Variants in PITPNB observed in about 807,000 individuals in gnomAD.
The protein encoded by PITPNB is phosphatidylinositol transfer protein beta, also known as phosphatidylinositol transfer protein beta isoform.
PITPNB carries 16 observed loss-of-function variants against 45.9 expected under a neutral mutation model. That is an observed-to-expected ratio of 0.35 (90% confidence interval 0.24 to 0.53). The LOEUF is 0.53. PITPNB is among the 20% of genes least tolerant of loss of function. The pLI is 0.93. For missense variants in PITPNB, 188 were observed against 330.5 expected, an observed-to-expected ratio of 0.57 and a Z score of 3.34; for synonymous variants, 112 against 108.9, an observed-to-expected ratio of 1.03 and a Z score of -0.18.
At chr22:27,869,709 C>T (rs925487021) in intron 8 of PITPNB, among the ~76,000 whole-genome samples, 26 of 152,172 alleles carry the variant, frequency 1.7e-4, no homozygotes, top group African/African-American at 6.3e-4. Flanking sequence ...AAGACAAAAG[C>T]ATTATAACAA....
chr22:27,914,034 G>A (rs938783744), intron 2 of PITPNB, among the ~76,000 whole-genome samples: 3 of 152,204 alleles, frequency 2.0e-5, no homozygotes, highest in Non-Finnish European at 2.9e-5. Context: ...GTTGAGGCTG[G>A]AGCCTCATTT....
chr22:27,872,081 G>GTT (rs58288724), intron 8 of PITPNB, among the ~76,000 whole-genome samples: 2,233 of 64,486 alleles, frequency 0.035, 241 homozygotes, highest in Non-Finnish European at 0.05. Context: ...ATTAAGCCTG[G>GTT]TTTTTTTTTT....
chr22:27,913,667 A>G (rs1458022681), intron 2 of PITPNB, among the ~76,000 whole-genome samples: 1 of 152,222 alleles, frequency 6.6e-6, no homozygotes, highest in African/African-American at 2.4e-5. Context: ...GTTCAGATCA[A>G]CAATTACAAC....
chr22:27,896,907 A>T (rs1302403410), intron 5 of PITPNB: 2 of 614,878 alleles, frequency 3.3e-6, no homozygotes, highest in Non-Finnish European at 5.9e-6. Context: ...GTTTGAAGGG[A>T]GTAACAAAAG....
At chr22:27,856,178 T>C (rs1317968630) in intron 10 of PITPNB, among the ~76,000 whole-genome samples, 2 of 152,242 alleles carry the variant, frequency 1.3e-5, no homozygotes, top group Admixed American at 6.5e-5. Context: ...AAGCAACTGC[T>C]ATGTACCCTC....
intron 3 of PITPNB, among the ~76,000 whole-genome samples, chr22:27,901,614 G>A (rs1167948891): frequency 6.6e-6 from 1 of 152,168 alleles, no homozygotes; most frequent in South Asian, 2.1e-4. Context: ...AGGTGCGGTG[G>A]CTCACACCTG....
intron 8 of PITPNB, among the ~76,000 whole-genome samples, chr22:27,872,760 G>A (rs1934706786): frequency 6.6e-6 from 1 of 152,110 alleles, no homozygotes; most frequent in South Asian, 2.1e-4. Context: ...CCCTGGGAGT[G>A]GAAAATCTGC....
At chr22:27,855,616 C>A (rs892578757) in intron 10 of PITPNB, among the ~76,000 whole-genome samples, 44 of 152,302 alleles carry the variant, frequency 2.9e-4, no homozygotes, top group Non-Finnish European at 5.4e-4. Flanking sequence ...CTCACCCCCA[C>A]CCCGGAACCG....
chr22:27,872,669 T>C (rs1271357606), intron 8 of PITPNB, among the ~76,000 whole-genome samples: 2 of 152,140 alleles, frequency 1.3e-5, no homozygotes, highest in African/African-American at 2.4e-5. Context: ...TCCTCTTATC[T>C]GCATGCAACT....
At chr22:27,907,484 G>A (rs781351392) in intron 3 of PITPNB, among the ~76,000 whole-genome samples, 1 of 152,146 alleles carries the variant, frequency 6.6e-6, no homozygotes, top group Non-Finnish European at 1.5e-5. Flanking sequence ...GTTTTGCCCA[G>A]TTTATTTATT....
chr22:27,885,231 A>T (rs1243069514), intron 7 of PITPNB, among the ~76,000 whole-genome samples: 1 of 127,162 alleles, frequency 7.9e-6, no homozygotes, highest in South Asian at 2.5e-4. Context: ...AAAAAAAAAA[A>T]AAAAAAAAAA....
Position 27,858,407 on chromosome 22 carries a change from T to C in PITPNB, c.748A>G (p.Thr250Ala), listed in dbSNP as rs1934232322. ...MEDIRRMEDE[T>A]QKELETMRKR... ...CTTACTGTTTCTAGTTCTTTCTGAG[T>C]CTCGTCTTCCATTCTCCTAATGTCT... Residue 250 changes from threonine to alanine, a missense_variant, in exon 10 of 12, where the codon ACT (threonine) becomes GCT (alanine). Coordinates refer to ENST00000335272, the MANE Select transcript of PITPNB (RefSeq NM_012399.5). 5 of 1,607,284 alleles carry C rather than the reference T, an allele frequency of 3.1e-6. No individual in the cohort carries two copies. Among genetic ancestry groups the C allele is most frequent in the Non-Finnish European group, 4.2e-6 (5 of 1,177,194 alleles).
chr22:27,904,679 T>A (rs1935706403), intron 3 of PITPNB, among the ~76,000 whole-genome samples: 1 of 152,170 alleles, frequency 6.6e-6, no homozygotes, highest in Admixed American at 6.5e-5. Flanking sequence ...TGGCAAAATA[T>A]CAGCCAGGAG....
intron 7 of PITPNB, among the ~76,000 whole-genome samples, chr22:27,875,437 C>T (rs1406365945): frequency 2.0e-5 from 3 of 152,216 alleles, no homozygotes. Context: ...AATTCTTAAA[C>T]TACAATTTTG....
chr22:27,914,191 A>G (rs1936012647), intron 2 of PITPNB, 126 bp downstream of exon 2: 4 of 670,136 alleles, frequency 6.0e-6, no homozygotes, highest in Non-Finnish European at 1.1e-5. Context: ...TCATTCATAT[A>G]ATTAATTTTG....
chr22:27,917,223 G>A (rs768726242), intron 1 of PITPNB, among the ~76,000 whole-genome samples: 71 of 152,298 alleles, frequency 4.7e-4, no homozygotes, highest in Non-Finnish European at 7.6e-4. Flanking sequence ...AGCACAGTGC[G>A]CAAATTCCCA....
intron 8 of PITPNB, among the ~76,000 whole-genome samples, chr22:27,872,085 T>C (rs911700491): frequency 9.5e-6 from 1 of 104,866 alleles, no homozygotes; most frequent in Non-Finnish European, 2.0e-5. Context: ...AGCCTGGTTT[T>C]TTTTTTTTTT....
intron 1 of PITPNB, among the ~76,000 whole-genome samples, chr22:27,916,505 A>G (rs998581938): frequency 6.6e-6 from 1 of 152,172 alleles, no homozygotes; most frequent in African/African-American, 2.4e-5. Flanking sequence ...CTAACATTTT[A>G]ATTCTTATAA....
In PITPNB at chr22:27,853,391, T is replaced by C. The variant is rs1407851873; in HGVS notation, c.*311A>G. On this transcript the variant is annotated 3_prime_UTR_variant, in exon 12 of 12. Transcript: ENST00000335272. Reference sequence around the variant, plus strand: ...TTCTTGCTGAAGATAGGTACAGTACTTTGGAGAAATTGTACTAATCCCTTC... The same window carrying C: ...TTCTTGCTGAAGATAGGTACAGTACCTTGGAGAAATTGTACTAATCCCTTC... The C allele has an allele frequency of 1.6e-5, 8 of 487,410 alleles. No homozygotes were observed. Among genetic ancestry groups the C allele is most frequent in the African/African-American group, 1.6e-4 (8 of 51,046 alleles). The allele number at this position is 487,410 out of a possible 1,614,324, so 30.2% of individuals were successfully genotyped here. A position where few individuals can be genotyped will look rare whatever the true frequency, so the allele number is the denominator to read the frequency against.
Sources: allele counts gnomAD v4.1 joint callset (sites outside exome capture counted in the v4.1 genomes callset), GRCh38; gene constraint gnomAD v4.1.1; transcripts MANE v1.5; gene names NCBI Gene and HGNC (gene_info 2026-07-23, HGNC 2026-07-21).